Variants in COL11A1 observed in about 807,000 individuals in gnomAD.
COL11A1 encodes collagen alpha-1(XI) chain.
COL11A1 carries 74 observed loss-of-function variants against 265.2 expected under a neutral mutation model. That is an observed-to-expected ratio of 0.28 (90% CI 0.23 to 0.34). COL11A1 has a LOEUF of 0.34. COL11A1 is among the 10% of genes least tolerant of loss of function. The pLI is 1.00. For synonymous variants in COL11A1, 816 were observed against 727.6 expected (o/e 1.12, Z -1.96); for missense variants, 2,165 against 2,263.6 (o/e 0.96, Z 0.88).
At chr1:103,097,109 T>A (rs1673837490) in intron 1 of COL11A1, among the ~76,000 whole-genome samples, 1 of 151,972 alleles carries the variant, frequency 6.6e-6, no homozygotes, top group Non-Finnish European at 1.5e-5. Flanking sequence ...TGTCAGAGGA[T>A]CCAATGGTAG....
At chr1:102,902,511 A>G (rs1199974676) in intron 54 of COL11A1, among the ~76,000 whole-genome samples, 3 of 152,090 alleles carry the variant, frequency 2.0e-5, no homozygotes, top group Non-Finnish European at 2.9e-5. Context: ...AAATAGCTTA[A>G]AAATAAATAA....
chr1:102,898,885 A>G (rs1652793454), intron 55 of COL11A1, 56 bp downstream of exon 55: 2 of 1,177,654 alleles, frequency 1.7e-6, no homozygotes. Flanking sequence ...TTCAAATATA[A>G]TACCTTGTAT....
intron 29 of COL11A1, 105 bp downstream of exon 29, chr1:102,989,409 TACAA>T (rs965236751): frequency 6.6e-6 from 4 of 603,994 alleles, no homozygotes; most frequent in African/African-American, 3.9e-5. Flanking sequence ...ACTTAGGTAG[TACAA>T]ACATTTTATT....
intron 8 of COL11A1, among the ~76,000 whole-genome samples, chr1:103,022,124 A>G (rs1003058040): frequency 2.0e-5 from 3 of 151,452 alleles, no homozygotes; most frequent in Non-Finnish European, 4.4e-5. Context: ...CCAAAGTGCT[A>G]GGATTACAGG....
chr1:103,092,200 A>T (rs1045843172), intron 1 of COL11A1, among the ~76,000 whole-genome samples: 1 of 152,146 alleles, frequency 6.6e-6, no homozygotes, highest in Non-Finnish European at 1.5e-5. Flanking sequence ...TGACCCTTGA[A>T]CAATACTAAT....
At chr1:103,066,615 G>A (rs1414922146) in intron 4 of COL11A1, among the ~76,000 whole-genome samples, 4 of 147,302 alleles carry the variant, frequency 2.7e-5, no homozygotes, top group Non-Finnish European at 6.0e-5. Flanking sequence ...AAAACAGAGA[G>A]TACAAAGAAA....
chr1:102,917,106 T>G (rs966823723), intron 49 of COL11A1, among the ~76,000 whole-genome samples: 2 of 151,740 alleles, frequency 1.3e-5, no homozygotes, highest in Admixed American at 6.6e-5. Context: ...GCCAAAGCAA[T>G]CTTAAGCAAA....
intron 46 of COL11A1, among the ~76,000 whole-genome samples, chr1:102,926,865 T>C (rs369245463): frequency 1.3e-5 from 2 of 152,298 alleles, no homozygotes; most frequent in East Asian, 3.9e-4. Context: ...CACACACATA[T>C]TGATATGTGG....
rs2101801148 is a variant in COL11A1 at position 102,997,141 on chromosome 1, C to T, written c.2197-17G>A. ...AGGATGACCCTATATTTAGCAAAAA[C>T]ATACACTGATAAGATGTAATATAAA... On this transcript the variant is annotated splice_polypyrimidine_tract_variant and intron_variant, in intron 25 of 66. Coordinates refer to ENST00000370096, the MANE Select transcript of COL11A1 (RefSeq NM_001854.4). The T allele has an allele frequency of 1.2e-6, 2 of 1,600,552 alleles. No homozygotes were observed. Among genetic ancestry groups the T allele is most frequent in the African/African-American group, 1.3e-5 (1 of 74,700 alleles).
At chr1:103,095,483 T>C (rs1413577699) in intron 1 of COL11A1, among the ~76,000 whole-genome samples, 1 of 152,002 alleles carries the variant, frequency 6.6e-6, no homozygotes, top group Non-Finnish European at 1.5e-5. Flanking sequence ...GTCTAGAAAG[T>C]CATAGGAAGT....
chr1:103,004,714 C>A, intron 18 of COL11A1, 53 bp from the exon 19 acceptor site: 1 of 1,460,546 alleles, frequency 6.8e-7, no homozygotes, highest in Non-Finnish European at 9.5e-7. Flanking sequence ...AGAATGTTTA[C>A]AAGTCTATCA....
At chr1:102,998,387 A>T (rs1439991599) in intron 24 of COL11A1, 24 bp from the exon 25 acceptor site, 1 of 1,495,342 alleles carries the variant, frequency 6.7e-7, no homozygotes, top group East Asian at 2.5e-5. Context: ...AAAAAATATT[A>T]AAAAGATAAA....
intron 13 of COL11A1, among the ~76,000 whole-genome samples, chr1:103,013,200 A>G (rs1666271504): frequency 6.6e-6 from 1 of 152,078 alleles, no homozygotes; most frequent in South Asian, 2.1e-4. Flanking sequence ...CAAAAATAAT[A>G]CAACAGAAAT....
At position 103,012,510 on chromosome 1, in the gene COL11A1, G is replaced by T. The variant is rs562093826; in HGVS notation, c.1573-41C>A. The T allele has an allele frequency of 1.1e-5, 16 of 1,478,358 alleles. No homozygotes were observed. The East Asian group carries it at 3.4e-4, about 32-fold the overall frequency. 91.6% of individuals were successfully genotyped at this position (1,478,358 alleles called of 1,614,324 possible). A position where few individuals can be genotyped will look rare whatever the true frequency, so the allele number is the denominator to read the frequency against. ...TATCAAATTCAGTAATATTCTCCTG[G>T]AAGAGCACATTAAAGTACAATATGA... On this transcript the variant is annotated intron_variant, in intron 13 of 66. Transcript: ENST00000370096.
At chr1:103,050,667 G>A (rs1218622930) in intron 4 of COL11A1, among the ~76,000 whole-genome samples, 1 of 152,180 alleles carries the variant, frequency 6.6e-6, no homozygotes, top group Non-Finnish European at 1.5e-5. Flanking sequence ...TTTGGAGGAG[G>A]AGAGGTCCTC....
rs1301615981 is a variant in COL11A1, at chr1:102,978,839, C to T, written c.2709+21G>A. 6 of 1,613,976 alleles carry T rather than the reference C, an allele frequency of 3.7e-6. No individual in the cohort carries two copies. The South Asian group carries it at 6.6e-5, about 18-fold the overall frequency. On this transcript the variant is annotated intron_variant, in intron 34 of 66. Coordinates refer to ENST00000370096, the MANE Select transcript of COL11A1 (RefSeq NM_001854.4). ...AAAAAAATCTACAGTAACATCCAAACAGAAAAAGTACAGGTGATACCTTTG... is the reference window on the plus strand; with the variant it reads ...AAAAAAATCTACAGTAACATCCAAATAGAAAAAGTACAGGTGATACCTTTG...
chr1:103,063,811 T>G (rs1399052653), intron 4 of COL11A1, among the ~76,000 whole-genome samples: 9 of 152,176 alleles, frequency 5.9e-5, no homozygotes, highest in Non-Finnish European at 1.5e-5. Flanking sequence ...AAGACATACC[T>G]GATAAAGGAC....
At chr1:102,892,035 A>G (rs1570645582) in intron 57 of COL11A1, among the ~76,000 whole-genome samples, 1 of 152,168 alleles carries the variant, frequency 6.6e-6, no homozygotes, top group South Asian at 2.1e-4. Flanking sequence ...AGTGAAACTG[A>G]TGCTAAAAAA....
chr1:103,086,808 C>A lies in COL11A1; in HGVS notation c.107-3836G>T, dbSNP rs566183029. On this transcript the variant is annotated intron_variant, in intron 1 of 66. Coordinates refer to ENST00000370096, the MANE Select transcript of COL11A1 (RefSeq NM_001854.4). Reference sequence around the variant, plus strand: ...ACATATAATAAAGGTATCAACCAAGCCTTTTTTTTTTTCCCAAAAAGGCAT... The same window carrying A: ...ACATATAATAAAGGTATCAACCAAGACTTTTTTTTTTTCCCAAAAAGGCAT... 2.4e-3 allele frequency among the ~76,000 whole-genome samples: 244 copies of A among 103,054 alleles called. 2 individuals carry two copies. The highest frequency in any genetic ancestry group is 8.5e-4 in the Non-Finnish European group (36 of 42,314). The allele number at this position is 103,054 out of a possible 152,430, so 67.6% of individuals were successfully genotyped here.
Sources: allele counts gnomAD v4.1 joint callset (sites outside exome capture counted in the v4.1 genomes callset), GRCh38; gene constraint gnomAD v4.1.1; transcripts MANE v1.5; gene names NCBI Gene and HGNC (gene_info 2026-07-23, HGNC 2026-07-21).